CCNB2: variants seen among roughly 807,000 people sequenced by gnomAD.
CCNB2 encodes the protein G2/mitotic-specific cyclin-B2.
A neutral mutation model predicts 51.1 loss-of-function variants in CCNB2; 39 were observed. That is an observed-to-expected ratio of 0.76 (90% confidence interval 0.59 to 1.00). The LOEUF (loss-of-function observed/expected upper bound fraction) is 1.00. CCNB2 is among the 50% of genes least tolerant of loss of function. The pLI is 0.00. For missense variants in CCNB2, 472 were observed against 470.3 expected (o/e 1.00, Z -0.03); for synonymous variants, 174 against 165.5 (o/e 1.05, Z -0.40).
At position 59,116,700 on chromosome 15, in the gene CCNB2, T is replaced by G; in HGVS notation, c.608T>G (p.Val203Gly). Residue 203 changes from valine to glycine, a missense_variant, in exon 6 of 9, where the codon GTT (valine) becomes GGT (glycine). By Grantham distance (109) the Val-to-Gly change is moderately radical (BLOSUM62 -3). Coordinates refer to ENST00000288207, the MANE Select transcript of CCNB2 (RefSeq NM_004701.4). Reference protein sequence around the residue: ...IMDRFLQVQPVSRKKLQLVGI... With the variant: ...IMDRFLQVQPGSRKKLQLVGI... ...TTAATTTTCCATTAGGTTCAGCCAG[T>G]TTCCCGGAAGAAGCTTCAATTAGTT... 6.2e-7 allele frequency: 1 copy of G among 1,609,818 alleles called. No homozygotes were observed. The highest frequency in any genetic ancestry group is 8.5e-7 in the Non-Finnish European group (1 of 1,177,930).
At chr15:59,109,063 T>G (rs1233559279) in intron 3 of CCNB2, among the ~76,000 whole-genome samples, 3 of 151,770 alleles carry the variant, frequency 2.0e-5, no homozygotes, top group Admixed American at 2.0e-4. Context: ...TATATATTTT[T>G]GGGGGGGGAC....
chr15:59,117,084 T>C (rs1239181848), intron 6 of CCNB2, 144 bp from the exon 7 acceptor site: 2 of 1,006,864 alleles, frequency 2.0e-6, no homozygotes, highest in East Asian at 2.4e-5. Flanking sequence ...TCATGATCTA[T>C]GTTTACAACA....
intron 3 of CCNB2, among the ~76,000 whole-genome samples, chr15:59,110,324 A>G (rs1208918740): frequency 6.6e-6 from 1 of 152,218 alleles, no homozygotes; most frequent in African/African-American, 2.4e-5. Context: ...ATATAGCTAC[A>G]TGTTCTAGAT....
chr15:59,108,519 A>G (rs1232703221), intron 3 of CCNB2, among the ~76,000 whole-genome samples: 1 of 144,338 alleles, frequency 6.9e-6, no homozygotes, highest in African/African-American at 2.7e-5. Flanking sequence ...ACAACATCAA[A>G]TGTGTTAGGA....
At chr15:59,105,315 C>T (rs1311448360) in intron 1 of CCNB2, 23 bp downstream of exon 1, 6 of 1,552,804 alleles carry the variant, frequency 3.9e-6, no homozygotes, top group Non-Finnish European at 4.3e-6. Context: ...GGGGACCGCT[C>T]TCAGAGGCGA....
At position 59,116,784 on chromosome 15, in the gene CCNB2, A is replaced by T; in HGVS notation, c.692A>T (p.Glu231Val). ...KYEEMFSPNIEDFVYITDNAY... is the reference protein window; with the variant it reads ...KYEEMFSPNIVDFVYITDNAY... Reference sequence around the variant, plus strand: ...GAGGAGATGTTTTCTCCAAATATTGAAGACTTTGTTTACATCACAGACAAT... The same window carrying T: ...GAGGAGATGTTTTCTCCAAATATTGTAGACTTTGTTTACATCACAGACAAT... Residue 231 changes from glutamate to valine, a missense_variant, in exon 6 of 9, where the codon GAA becomes GTA. Coordinates refer to ENST00000288207, the MANE Select transcript of CCNB2 (RefSeq NM_004701.4). 1 of 1,613,980 alleles carries T rather than the reference A, an allele frequency of 6.2e-7. No homozygotes were observed. Among genetic ancestry groups the T allele is most frequent in the Non-Finnish European group, 8.5e-7 (1 of 1,179,860 alleles).
rs1369821979 is a variant in CCNB2, at chr15:59,105,167, C to G, written c.-102C>G. On this transcript the variant is annotated 5_prime_UTR_variant, in exon 1 of 9. Transcript: ENST00000288207. ...CGTCGAAGATCCCCAGCGCTGCGGG[C>G]TCGGAGAGCAGTCCTAACGGCGCCT... 9.1e-7 allele frequency: 1 copy of G among 1,099,884 alleles called. No individual in the cohort carries two copies. Among genetic ancestry groups the G allele is most frequent in the African/African-American group, 1.6e-5 (1 of 64,126 alleles). 68.1% of individuals were successfully genotyped at this position (1,099,884 alleles called of 1,614,324 possible).
intron 7 of CCNB2, among the ~76,000 whole-genome samples, chr15:59,118,899 AT>A (rs2079290352): frequency 6.6e-6 from 1 of 152,196 alleles, no homozygotes; most frequent in Admixed American, 6.5e-5. Context: ...CCAGGGCAGC[AT>A]GGTGGAGCTG....
intron 1 of CCNB2, among the ~76,000 whole-genome samples, chr15:59,106,045 A>G (rs1454394998): frequency 6.6e-6 from 1 of 151,956 alleles, no homozygotes; most frequent in Non-Finnish European, 1.5e-5. Context: ...TTGTACCGGG[A>G]CCTACTTTTT....
intron 3 of CCNB2, 104 bp from the exon 4 acceptor site, chr15:59,114,340 A>T (rs28383525): frequency 1.3e-4 from 106 of 808,252 alleles, no homozygotes; most frequent in Non-Finnish European, 1.9e-4. Flanking sequence ...TTGTGTCTTT[A>T]ACATATTTCA....
chr15:59,121,901 C>T (rs1646313350), intron 7 of CCNB2, among the ~76,000 whole-genome samples: 1 of 135,896 alleles, frequency 7.4e-6, no homozygotes, highest in Non-Finnish European at 1.5e-5. Context: ...CACTGCACTC[C>T]AGCCTGGGCG....
chr15:59,114,885 G>T lies in CCNB2; in HGVS notation c.597+9G>T. The stretch of plus-strand genomic sequence containing the variant: ...TGGATCGATTTTTACAGGTAGGTGT[G>T]GCTTCAGGGACTTCACGCCAGTGGC... On this transcript the variant is annotated intron_variant, in intron 5 of 8. Coordinates refer to ENST00000288207, the MANE Select transcript of CCNB2 (RefSeq NM_004701.4). 6.2e-7 allele frequency: 1 copy of T among 1,606,344 alleles called. No homozygotes were observed. Among genetic ancestry groups the T allele is most frequent in the Admixed American group, 1.7e-5 (1 of 59,582 alleles).
Position 59,107,318 on chromosome 15 carries a change from T to C in CCNB2, c.25-4T>C, listed in dbSNP as rs531056842. The C allele has an allele frequency of 4.1e-4, 637 of 1,545,672 alleles. 2 individuals are homozygous for C. In the African/African-American group the frequency reaches 7.7e-3, roughly 19 times the overall value. On this transcript the variant is annotated splice_polypyrimidine_tract_variant and splice_region_variant and intron_variant, in intron 1 of 8. Transcript: ENST00000288207. ...GTTTCATTACTTTTTTTTTTTTTTTTCAGGTGTCCAGTGATTTGGAGAATA... is the reference window on the plus strand; with the variant it reads ...GTTTCATTACTTTTTTTTTTTTTTTCCAGGTGTCCAGTGATTTGGAGAATA...
intron 3 of CCNB2, among the ~76,000 whole-genome samples, chr15:59,107,871 T>A (rs1278447631): frequency 6.6e-6 from 1 of 152,176 alleles, no homozygotes. Flanking sequence ...TGGTGGCTTA[T>A]GCCTGTAATC....
At chr15:59,123,220 G>A (rs2079310697) in intron 7 of CCNB2, among the ~76,000 whole-genome samples, 1 of 152,132 alleles carries the variant, frequency 6.6e-6, no homozygotes, top group Non-Finnish European at 1.5e-5. Context: ...TCCCCTTTCA[G>A]TGTTGTTACT....
chr15:59,110,369 T>C (rs1379346934), intron 3 of CCNB2, among the ~76,000 whole-genome samples: 1 of 152,224 alleles, frequency 6.6e-6, no homozygotes, highest in Non-Finnish European at 1.5e-5. Context: ...ACAGGAATTA[T>C]TTCCAATTCA....
intron 1 of CCNB2, among the ~76,000 whole-genome samples, chr15:59,105,837 G>C (rs2079233683): frequency 6.6e-6 from 1 of 152,154 alleles, no homozygotes; most frequent in South Asian, 2.1e-4. Flanking sequence ...GGCACGCTAA[G>C]TCTTCCATGC....
At chr15:59,122,650 C>T (rs1182012145) in intron 7 of CCNB2, among the ~76,000 whole-genome samples, 2 of 151,374 alleles carry the variant, frequency 1.3e-5, no homozygotes, top group African/African-American at 2.4e-5. Context: ...AATCCTTCCT[C>T]CTCAGCTCCT....
At chr15:59,123,925 C>T (rs2079314332) in intron 8 of CCNB2, 2 of 251,064 alleles carry the variant, frequency 8.0e-6, no homozygotes, top group South Asian at 6.6e-5. Context: ...CTTATACTAG[C>T]ATCCTGGGGA....
Sources: gnomAD v4.1 joint callset for allele counts (sites outside exome capture counted in the v4.1 genomes callset) on GRCh38, gnomAD v4.1.1 for gene constraint, MANE v1.5 for transcripts, NCBI Gene and HGNC (gene_info 2026-07-23, HGNC 2026-07-21) for gene names.